Variants in TTN observed in about 807,000 individuals in gnomAD.
TTN encodes the protein connectin.
TTN carries 1,525 observed loss-of-function variants against 3,223.0 expected under a neutral mutation model. That is an observed-to-expected ratio of 0.47 (90% CI 0.45 to 0.49). The LOEUF is 0.49. TTN is among the 20% of genes least tolerant of loss of function. The pLI is 0.00. For missense variants in TTN, 40,786 were observed against 43,424.0 expected, an observed-to-expected ratio of 0.94 and a Z score of 5.40; for synonymous variants, 14,094 against 15,161.0, an observed-to-expected ratio of 0.93 and a Z score of 5.17.
At chr2:178,682,616 C>A in intron 135 of TTN, 81 bp downstream of exon 135, 1 of 1,314,530 alleles carries the variant, frequency 7.6e-7, no homozygotes, top group Non-Finnish European at 1.0e-6. Context: ...AAATTTTTAT[C>A]TTGTTATGAT....
At chr2:178,791,663 A>ATG (rs58282760) in intron 10 of TTN, among the ~76,000 whole-genome samples, 7,885 of 147,392 alleles carry the variant, frequency 0.053, 366 homozygotes, top group East Asian at 0.13. Context: ...GTATGTGTAT[A>ATG]TGTGTGTGTG....
rs1689413849 is a variant in TTN at position 178,532,145 on chromosome 2, G to A, written c.104470C>T (p.His34824Tyr). 4.3e-6 allele frequency: 7 copies of A among 1,613,782 alleles called. No individual in the cohort carries two copies. The highest frequency in any genetic ancestry group is 1.3e-5 in the African/African-American group (1 of 74,942). The stretch of plus-strand genomic sequence containing the variant: ...GATGAGGATGATTCTCTTTGAGCAT[G>A]TTTTGAGATTTCGTATTCTTCCTCA... ...EIEEEYEISK[H>Y]AQRESSSSAS... is the part of the protein sequence containing the mutation. Residue 34824 changes from histidine (H) to tyrosine (Y), a missense_variant, in exon 358 of 363, where the codon CAT (histidine) becomes TAT (tyrosine). Physicochemically the swap from His to Tyr is moderately conservative, Grantham distance 83. Transcript: ENST00000589042.
Position 178,563,642 on chromosome 2 carries a change from C to T in TTN, c.82490G>A (p.Gly27497Glu). 6.2e-7 allele frequency: 1 copy of T among 1,613,796 alleles called. No homozygotes were observed. Residue 27497 changes from glycine to glutamate, a missense_variant, in exon 326 of 363, where the codon GGA becomes GAA. Transcript: ENST00000589042. This position sits in a 1 kb window ranked among gnomAD's most constrained non-coding sequence, Gnocchi z 4.5. The part of the protein sequence containing the change: ...VVTWARPVDD[G>E]GTEIEGYILE... ...AATGTAGCCCTCAATTTCGGTACCT[C>T]CGTCGTCTACTGGGCGTGCCCATGT...
In TTN at chr2:178,565,809, C is replaced by T. The variant is rs370589806; in HGVS notation, c.80323G>A (p.Val26775Met). 14 of 1,613,486 alleles carry T rather than the reference C, an allele frequency of 8.7e-6. No homozygotes were observed. Among genetic ancestry groups the T allele is most frequent in the Middle Eastern group, 1.6e-4 (1 of 6,076 alleles). ...GGGGAAGGAGGTTCAGCAGCTTTCA[C>T]GGCATCAACAGTTTCCACTGGAACA... ...VGVPVETVDA[V>M]KAAEPPSPPG... is the part of the protein sequence containing the mutation. The change falls in exon 326 of 363, where the codon GTG (valine) becomes ATG (methionine). Residue 26775 changes from valine to methionine, a missense_variant. Physicochemically the swap from Val to Met is conservative, Grantham distance 21. Transcript: ENST00000589042.
At chr2:178,650,015 A>T (rs2062680939) in intron 210 of TTN, 121 bp from the exon 211 acceptor site, 17 of 1,323,126 alleles carry the variant, frequency 1.3e-5, no homozygotes, top group Non-Finnish European at 1.8e-5. Flanking sequence ...TGTGGGTCCA[A>T]AGTTTTATGT....
In TTN at chr2:178,768,115, C is replaced by T. The variant is rs772683836; in HGVS notation, c.9204G>A (p.Lys3068=). 1.2e-6 allele frequency: 2 copies of T among 1,613,930 alleles called. No individual in the cohort carries two copies. Among genetic ancestry groups the T allele is most frequent in the African/African-American group, 2.7e-5 (2 of 74,918 alleles). Residue 3068 remains lysine (K), a synonymous_variant, in exon 39 of 363, where the codon AAG becomes AAA. Transcript: ENST00000589042. The part of the protein sequence containing the change: ...IEFRKHIKDI[K]VLEKKRAMFE... ...ACATGGCTCGCTTCTTCTCCAGTAC[C>T]TTAATGTCCTTAATGTGTTTCCTAA...
intron 60 of TTN, 64 bp downstream of exon 60, chr2:178,730,861 T>A (rs201233675): frequency 7.4e-5 from 113 of 1,525,756 alleles, no homozygotes; most frequent in African/African-American, 2.1e-4. Flanking sequence ...TTTTTTTTTT[T>A]AAATTTTAAG....
intron 152 of TTN, among the ~76,000 whole-genome samples, 179 bp downstream of exon 152, chr2:178,673,454 C>G (rs375134980): frequency 2.6e-4 from 40 of 151,608 alleles, no homozygotes; most frequent in African/African-American, 9.2e-4. Flanking sequence ...CACATGCACA[C>G]AATTATTCGT....
chr2:178,666,641 C>T (rs2065972653), intron 163 of TTN, among the ~76,000 whole-genome samples, 183 bp downstream of exon 163: 1 of 152,146 alleles, frequency 6.6e-6, no homozygotes, highest in African/African-American at 2.4e-5. Flanking sequence ...TTTTTTCCCT[C>T]TGTTGTCTCT....
Position 178,720,965 on chromosome 2 carries a change from T to C in TTN, c.23054A>G (p.Asn7685Ser). Residue 7685 changes from asparagine (N) to serine (S), a missense_variant, in exon 79 of 363, where the codon AAT becomes AGT. Asn to Ser is a conservative substitution (Grantham distance 46). Coordinates refer to ENST00000589042, the MANE Select transcript of TTN (RefSeq NM_001267550.2). ...GCTGCAGCTGGCGTCACCAACACCA[T>C]TATGAGCCTCACAAATGTAGTCCCC... ...DSGDYICEAHNGVGDASCSTA... is the reference protein window; with the variant it reads ...DSGDYICEAHSGVGDASCSTA... 6.2e-7 allele frequency: 1 copy of C among 1,606,728 alleles called. No homozygotes were observed. Among genetic ancestry groups the C allele is most frequent in the South Asian group, 1.1e-5 (1 of 90,746 alleles).
chr2:178,718,536 G>A lies in TTN; in HGVS notation c.24570C>T (p.Leu8190=), dbSNP rs752689161. The A allele has an allele frequency of 3.1e-6, 5 of 1,613,552 alleles. No homozygotes were observed. Among genetic ancestry groups the A allele is most frequent in the South Asian group, 1.1e-5 (1 of 91,068 alleles). ...GAGGTGTGCCAGTGTATGTGGCCTC[G>A]AGAACTATGGGGCTTCCTGTCTCAA... ...FSVETGSPIV[L]EATYTGTPPI... Residue 8190 remains leucine (L), a synonymous_variant, in exon 85 of 363, where the codon CTC becomes CTT. Coordinates refer to ENST00000589042, the MANE Select transcript of TTN (RefSeq NM_001267550.2).
In TTN at chr2:178,713,315, C is replaced by G; in HGVS notation, c.26819G>C (p.Gly8940Ala). Residue 8940 changes from glycine (G) to alanine (A), a missense_variant, in exon 93 of 363, where the codon GGC becomes GCC. Coordinates refer to ENST00000589042, the MANE Select transcript of TTN (RefSeq NM_001267550.2). ...RKLKETNGLSGSSVVMECKVY... is the reference protein window; with the variant it reads ...RKLKETNGLSASSVVMECKVY... ...TTTACACTCCATTACAACTGAGGAG[C>G]CGGATAGACCATTTGTCTCTTTCAA... The G allele has an allele frequency of 6.3e-7, 1 of 1,581,390 alleles. No homozygotes were observed.
chr2:178,683,186 A>G, intron 134 of TTN, 25 bp downstream of exon 134: 1 of 1,469,992 alleles, frequency 6.8e-7, no homozygotes, highest in Non-Finnish European at 9.3e-7. Flanking sequence ...CATGCCTCAC[A>G]TTACTTAATC....
In TTN at chr2:178,560,344, T is replaced by C; in HGVS notation, c.85788A>G (p.Arg28596=). The C allele has an allele frequency of 6.2e-7, 1 of 1,613,754 alleles. No individual in the cohort carries two copies. The highest frequency in any genetic ancestry group is 1.1e-5 in the South Asian group (1 of 91,066). The change falls in exon 326 of 363, where the codon AGA becomes AGG. Residue 28596 remains arginine (R), a synonymous_variant. Transcript: ENST00000589042. ...CTGGTTTTTTGTTTACACGCACCCA[T>C]CTTAGGCTATTTTTCTCTCGCCTTT... ...IIERREKNSL[R]WVRVNKKPVY... is the part of the protein sequence containing the mutation.
chr2:178,604,694 T>G lies in TTN; in HGVS notation c.54381+14A>C, dbSNP rs1270750622. 1 of 1,585,248 alleles carries G rather than the reference T, an allele frequency of 6.3e-7. No individual in the cohort carries two copies. Among genetic ancestry groups the G allele is most frequent in the Non-Finnish European group, 8.6e-7 (1 of 1,166,290 alleles). ...ACTTTTAATGTGTATAAGAAAATATTCAGAAGAGTTTACCCCATATCTTTT... is the reference window on the plus strand; with the variant it reads ...ACTTTTAATGTGTATAAGAAAATATGCAGAAGAGTTTACCCCATATCTTTT... On this transcript the variant is annotated intron_variant, in intron 281 of 362. Transcript: ENST00000589042.
At chr2:178,727,513 A>T in intron 68 of TTN, 72 bp downstream of exon 68, 2 of 1,514,822 alleles carry the variant, frequency 1.3e-6, no homozygotes, top group African/African-American at 1.4e-5. Flanking sequence ...GATTGTTTAG[A>T]GACATTGTAA....
At position 178,634,575 on chromosome 2, in the gene TTN, C is replaced by T. The variant is rs544852574; in HGVS notation, c.42206G>A (p.Arg14069Gln). 14 of 1,613,214 alleles carry T rather than the reference C, an allele frequency of 8.7e-6. No individual in the cohort carries two copies. Among genetic ancestry groups the T allele is most frequent in the African/African-American group, 5.3e-5 (4 of 74,862 alleles). Reference protein sequence around the residue: ...PLKDVTVPERRQARFECVLTR... With the variant: ...PLKDVTVPERQQARFECVLTR... ...GAGGACACATTCGAATCGAGCCTGT[C>T]GCCTTTCTGGAACAGTGACATCCTT... Residue 14069 changes from arginine (R) to glutamine (Q), a missense_variant, in exon 230 of 363, where the codon CGA (arginine) becomes CAA (glutamine). By Grantham distance (43) the Arg-to-Gln change is conservative (BLOSUM62 1). Transcript: ENST00000589042. The surrounding 1 kb of genome is among the most constrained non-coding windows in gnomAD (Gnocchi z 4.6).
rs761516226 is a variant in TTN at position 178,636,146 on chromosome 2, C to T, written c.41425G>A (p.Asp13809Asn). The T allele has an allele frequency of 1.2e-6, 2 of 1,613,092 alleles. No homozygotes were observed. The highest frequency in any genetic ancestry group is 1.7e-5 in the Admixed American group (1 of 59,976). Residue 13809 changes from aspartate (D) to asparagine (N), a missense_variant, in exon 226 of 363, where the codon GAC becomes AAC. Transcript: ENST00000589042. This position sits in a 1 kb window ranked among gnomAD's most constrained non-coding sequence, Gnocchi z 4.3. ...TTGCCATCCTTCCTCCAGACCACGT[C>T]ACGCTCTTTGTTTAACTCGCAGCTC... ...YLSCELNKERDVVWRKDGKIV... is the reference protein window; with the variant it reads ...YLSCELNKERNVVWRKDGKIV...
In TTN at chr2:178,675,703, C is replaced by A. The variant is rs190209925; in HGVS notation, c.34505G>T (p.Gly11502Val). 4.0e-4 allele frequency: 565 copies of A among 1,424,930 alleles called. 1 individual carries two copies. In the African/African-American group the frequency reaches 7.5e-3, roughly 19 times the overall value. 88.3% of individuals were successfully genotyped at this position (1,424,930 alleles called of 1,614,324 possible). ...AGGAGGGGCCACTGCTTTCTTAAGACCAGGAGGAGGGACCTTCTTTTCTGG... is the reference window on the plus strand; with the variant it reads ...AGGAGGGGCCACTGCTTTCTTAAGAACAGGAGGAGGGACCTTCTTTTCTGG... ...PEPEKKVPPP[G>V]LKKAVAPPAK... is the part of the protein sequence containing the mutation. The change falls in exon 149 of 363, where the codon GGT becomes GTT. Residue 11502 changes from glycine to valine, a missense_variant. By Grantham distance (109) the Gly-to-Val change is moderately radical (BLOSUM62 -3). Transcript: ENST00000589042.
Sources: gnomAD v4.1 joint callset for allele counts (sites outside exome capture counted in the v4.1 genomes callset) on GRCh38, gnomAD v4.1.1 for gene constraint, Gnocchi (gnomAD v3.1) non-coding constraint, MANE v1.5 for transcripts, NCBI Gene and HGNC (gene_info 2026-07-23, HGNC 2026-07-21) for gene names.